Variants in SPTLC3 observed in about 807,000 individuals in gnomAD.
SPTLC3 encodes serine palmitoyltransferase long chain base subunit 3.
A neutral mutation model predicts 59.3 loss-of-function variants in SPTLC3; 36 were observed. The ratio of observed to expected loss-of-function variants is 0.61; its 90% confidence interval spans 0.47 to 0.80. SPTLC3 has a LOEUF of 0.80. SPTLC3 is among the 30% of genes least tolerant of loss of function. The probability of loss-of-function intolerance (pLI) is 0.00; values close to 1 mark genes in which losing one functional copy is unlikely to be tolerated. For synonymous variants in SPTLC3, 257 were observed against 240.8 expected (o/e 1.07, Z -0.62); for missense variants, 625 against 685.1 (o/e 0.91, Z 0.98).
At chr20:13,017,368 T>C (rs527916828) in intron 1 of SPTLC3, among the ~76,000 whole-genome samples, 1 of 152,330 alleles carries the variant, frequency 6.6e-6, no homozygotes, top group South Asian at 2.1e-4. Flanking sequence ...CTGAGTCATG[T>C]GGACTCACAC....
chr20:13,069,015 C>T (rs1196025014), intron 2 of SPTLC3, among the ~76,000 whole-genome samples: 2 of 152,124 alleles, frequency 1.3e-5, no homozygotes, highest in African/African-American at 4.8e-5. Flanking sequence ...GAAGTATTTT[C>T]CGACCTTCTC....
chr20:13,050,310 A>G (rs1987429860), intron 2 of SPTLC3: 1 of 152,310 alleles, frequency 6.6e-6, no homozygotes, highest in African/African-American at 2.4e-5. Context: ...TCAGCAATAG[A>G]ATTGAACTAG....
In SPTLC3 at chr20:13,009,284, G is replaced by T. The variant is rs749807398; in HGVS notation, c.17G>T (p.Gly6Val). Residue 6 changes from glycine (G) to valine (V), a missense_variant, in exon 1 of 12, where the codon GGT (glycine) becomes GTT (valine). Gly to Val is a moderately radical substitution (Grantham distance 109). Transcript: ENST00000399002. ...TTCACACCCATGGCTAACCCTGGAG[G>T]TGGTGCTGTTTGCAACGGGAAACTT... is the stretch of plus-strand genomic sequence containing the variant. MANPGGGAVCNGKLHN... is the reference protein window; with the variant it reads MANPGVGAVCNGKLHN... The T allele has an allele frequency of 1.9e-6, 3 of 1,613,964 alleles. No homozygotes were observed. Among genetic ancestry groups the T allele is most frequent in the Non-Finnish European group, 2.5e-6 (3 of 1,179,976 alleles).
At chr20:13,032,790 C>T (rs1389250325) in intron 1 of SPTLC3, among the ~76,000 whole-genome samples, 1 of 152,178 alleles carries the variant, frequency 6.6e-6, no homozygotes, top group African/African-American at 2.4e-5. Flanking sequence ...AGCCTTGGCC[C>T]TCCTCAGATC....
chr20:13,010,042 T>TC (rs1391164334), intron 1 of SPTLC3, among the ~76,000 whole-genome samples: 2 of 139,524 alleles, frequency 1.4e-5, no homozygotes, highest in Non-Finnish European at 3.2e-5. Flanking sequence ...ACTTGACACT[T>TC]TTTTTTTTTT....
chr20:13,043,804 C>T (rs895076668), intron 1 of SPTLC3, among the ~76,000 whole-genome samples: 1 of 152,200 alleles, frequency 6.6e-6, no homozygotes, highest in African/African-American at 2.4e-5. Flanking sequence ...CACTATACTT[C>T]TTTAATAAGT....
At chr20:13,034,751 G>A (rs545728713) in intron 1 of SPTLC3, among the ~76,000 whole-genome samples, 62 of 151,700 alleles carry the variant, frequency 4.1e-4, no homozygotes, top group East Asian at 1.6e-3. Context: ...TATCATTTGC[G>A]TCAGTTCTAC....
intron 1 of SPTLC3, among the ~76,000 whole-genome samples, chr20:13,035,579 T>C (rs1986698113): frequency 6.6e-6 from 1 of 152,186 alleles, no homozygotes; most frequent in African/African-American, 2.4e-5. Flanking sequence ...AATAAACGTA[T>C]CAACCAATAA....
intron 4 of SPTLC3, among the ~76,000 whole-genome samples, chr20:13,077,796 T>TA: frequency 6.6e-6 from 1 of 151,728 alleles, no homozygotes; most frequent in East Asian, 1.9e-4. Context: ...TTTTTTTTTT[T>TA]AAAGAGTTAG....
At chr20:13,112,279 G>A (rs1236351190) in intron 7 of SPTLC3, among the ~76,000 whole-genome samples, 3 of 152,150 alleles carry the variant, frequency 2.0e-5, no homozygotes, top group African/African-American at 4.8e-5. Context: ...TCTGGCCCTC[G>A]GTACTGGCTC....
At chr20:13,158,823 C>T (rs2038831676) in intron 10 of SPTLC3, among the ~76,000 whole-genome samples, 1 of 152,204 alleles carries the variant, frequency 6.6e-6, no homozygotes, top group South Asian at 2.1e-4. Flanking sequence ...AGGCAGACTG[C>T]TCAACAGCAA....
chr20:13,129,831 A>T (rs370865321), intron 9 of SPTLC3, among the ~76,000 whole-genome samples: 5 of 152,300 alleles, frequency 3.3e-5, no homozygotes, highest in East Asian at 1.9e-4. Flanking sequence ...GAGGTAGTAG[A>T]TATTTCCCTT....
At position 13,154,039 on chromosome 20, in the gene SPTLC3, G is replaced by A. The variant is rs1280035776; in HGVS notation, c.1316G>A (p.Arg439Lys). The A allele has an allele frequency of 6.2e-7, 1 of 1,613,984 alleles. No individual in the cohort carries two copies. Among genetic ancestry groups the A allele is most frequent in the Non-Finnish European group, 8.5e-7 (1 of 1,179,992 alleles). ...QRVQQLAKNT[R>K]YFRQRLQEMG... ...GTACAGCAACTTGCGAAAAACACAA[G>A]ATACTTCAGACAAAGACTGCAGGAA... Residue 439 changes from arginine to lysine, a missense_variant, in exon 10 of 12, where the codon AGA (arginine) becomes AAA (lysine). Arg to Lys is a conservative substitution (Grantham distance 26). Coordinates refer to ENST00000399002, the MANE Select transcript of SPTLC3 (RefSeq NM_018327.4).
intron 1 of SPTLC3, among the ~76,000 whole-genome samples, chr20:13,048,293 A>G (rs532714544): frequency 6.6e-6 from 1 of 152,204 alleles, no homozygotes; most frequent in Admixed American, 6.5e-5. Context: ...AAAGAAAACA[A>G]TTTGATGAAG....
At chr20:13,085,094 G>A (rs1274955607) in intron 4 of SPTLC3, among the ~76,000 whole-genome samples, 2 of 152,140 alleles carry the variant, frequency 1.3e-5, no homozygotes, top group African/African-American at 4.8e-5. Flanking sequence ...TGAGTGGGCA[G>A]TTGAAAGTTA....
At chr20:13,082,790 T>C (rs1290695616) in intron 4 of SPTLC3, among the ~76,000 whole-genome samples, 1 of 152,188 alleles carries the variant, frequency 6.6e-6, no homozygotes, top group Non-Finnish European at 1.5e-5. Flanking sequence ...AGCTCCTTCC[T>C]TTAGACTAAA....
At chr20:13,014,731 A>C (rs1985433332) in intron 1 of SPTLC3, among the ~76,000 whole-genome samples, 1 of 151,672 alleles carries the variant, frequency 6.6e-6, no homozygotes, top group Admixed American at 6.6e-5. Flanking sequence ...ACTGGGACTG[A>C]GACTTGTCGG....
At chr20:13,150,902 A>G (rs978959934) in intron 9 of SPTLC3, among the ~76,000 whole-genome samples, 1 of 151,968 alleles carries the variant, frequency 6.6e-6, no homozygotes, top group African/African-American at 2.4e-5. Context: ...TTCATTCATC[A>G]TTTATTGATT....
Position 13,072,272 on chromosome 20 carries a change from A to T in SPTLC3, c.320A>T (p.Tyr107Phe), listed in dbSNP as rs201030519. ...RKEQKDFVPL[Y>F]QDFENFYTRN... ...TTCTAACAGGATTTTGTGCCACTGTATCAAGACTTTGAAAATTTTTATACA... is the reference window on the plus strand; with the variant it reads ...TTCTAACAGGATTTTGTGCCACTGTTTCAAGACTTTGAAAATTTTTATACA... Residue 107 changes from tyrosine (Y) to phenylalanine (F), a missense_variant, in exon 3 of 12, where the codon TAT becomes TTT. By Grantham distance (22) the Tyr-to-Phe change is conservative (BLOSUM62 3). Coordinates refer to ENST00000399002, the MANE Select transcript of SPTLC3 (RefSeq NM_018327.4). 6 of 1,613,530 alleles carry T rather than the reference A, an allele frequency of 3.7e-6. No individual in the cohort carries two copies. In the East Asian group the frequency reaches 1.1e-4, roughly 30 times the overall value.
Sources: allele counts gnomAD v4.1 joint callset (sites outside exome capture counted in the v4.1 genomes callset), GRCh38; gene constraint gnomAD v4.1.1; transcripts MANE v1.5; gene names NCBI Gene and HGNC (gene_info 2026-07-23, HGNC 2026-07-21).